The following TRPM6 variants were observed in gnomAD, a reference collection of about 807,000 sequenced individuals.
The protein encoded by TRPM6 is transient receptor potential cation channel subfamily M member 6.
In TRPM6, 111 loss-of-function variants were observed where a neutral mutation model predicts 247.6. That is an observed-to-expected ratio of 0.45 (90% confidence interval 0.38 to 0.52). The LOEUF is 0.52. Ranked by LOEUF, TRPM6 falls within the 20% of genes least tolerant of loss-of-function variation. TRPM6 has a pLI of 0.00. For synonymous variants in TRPM6, 892 were observed against 853.8 expected, an observed-to-expected ratio of 1.04 and a Z score of -0.78; for missense variants, 2,126 against 2,421.5, an observed-to-expected ratio of 0.88 and a Z score of 2.56.
chr9:74,812,646 C>T (rs917066657), intron 11 of TRPM6, among the ~76,000 whole-genome samples: 2 of 151,730 alleles, frequency 1.3e-5, no homozygotes, highest in Non-Finnish European at 2.9e-5. Flanking sequence ...TCCTAGCACC[C>T]TTGGAGGCTG....
intron 14 of TRPM6, among the ~76,000 whole-genome samples, chr9:74,806,670 A>G (rs1828537372): frequency 6.6e-6 from 1 of 152,230 alleles, no homozygotes; most frequent in South Asian, 2.1e-4. Flanking sequence ...TGACAAATTT[A>G]TAAAAGGGTC....
intron 6 of TRPM6, 67 bp from the exon 7 acceptor site, chr9:74,828,016 A>G: frequency 1.3e-6 from 2 of 1,520,678 alleles, no homozygotes; most frequent in South Asian, 2.3e-5. Flanking sequence ...CCTGCTCCAA[A>G]GGCCTATCTT....
intron 37 of TRPM6, among the ~76,000 whole-genome samples, chr9:74,729,715 A>G (rs926966225): frequency 7.2e-5 from 11 of 152,256 alleles, no homozygotes; most frequent in Non-Finnish European, 8.8e-5. Context: ...CTCAGCATTT[A>G]GACCAGGATT....
At chr9:74,728,803 A>C (rs1429942271) in intron 37 of TRPM6, among the ~76,000 whole-genome samples, 1 of 152,194 alleles carries the variant, frequency 6.6e-6, no homozygotes, top group Non-Finnish European at 1.5e-5. Flanking sequence ...ACTTTTCTGA[A>C]AATAACCGTC....
chr9:74,811,762 T>C (rs1343408275), intron 12 of TRPM6, among the ~76,000 whole-genome samples: 1 of 152,194 alleles, frequency 6.6e-6, no homozygotes, highest in Non-Finnish European at 1.5e-5. Context: ...GATCAATAAA[T>C]AATTACCAGG....
chr9:74,776,805 T>C (rs1827241273), intron 23 of TRPM6, among the ~76,000 whole-genome samples: 2 of 152,218 alleles, frequency 1.3e-5, no homozygotes, highest in Non-Finnish European at 2.9e-5. Flanking sequence ...CAAAATAAGA[T>C]GTCCATCTTA....
In TRPM6 at chr9:74,762,949, C is replaced by A. The variant is rs1826704176; in HGVS notation, c.3722G>T (p.Arg1241Ile). Residue 1241 changes from arginine to isoleucine, a missense_variant, in exon 26 of 39, where the codon AGA becomes ATA. Around this residue, in one of 3 missense-constraint regions of TRPM6, gnomAD observed 717 missense variants for 715.9 expected, o/e 1.00. Coordinates refer to ENST00000360774, the MANE Select transcript of TRPM6 (RefSeq NM_017662.5). ...LQEDEALLAK[R>I]KHSTCKKLPH... ...AAGTTTTTTGCAAGTAGAATGCTTT[C>A]TCTTGGCCAGGAGAGCCTCATCCTC... is the stretch of plus-strand genomic sequence containing the variant. 2 of 1,607,572 alleles carry A rather than the reference C, an allele frequency of 1.2e-6. No individual in the cohort carries two copies. The highest frequency in any genetic ancestry group is 4.5e-5 in the East Asian group (2 of 44,748).
intron 7 of TRPM6, chr9:74,827,549 G>C: frequency 6.1e-6 from 4 of 651,184 alleles, no homozygotes; most frequent in Non-Finnish European, 1.1e-5. Context: ...TCTTTGGGGG[G>C]ATCATGGAAG....
At chr9:74,876,126 C>A (rs1008192823) in intron 1 of TRPM6, among the ~76,000 whole-genome samples, 7 of 152,126 alleles carry the variant, frequency 4.6e-5, no homozygotes, top group African/African-American at 1.7e-4. Flanking sequence ...TCTTGTCGCC[C>A]AGGCTGGAAT....
chr9:74,788,090 A>G (rs1302752518), intron 20 of TRPM6, among the ~76,000 whole-genome samples: 1 of 151,944 alleles, frequency 6.6e-6, no homozygotes. Flanking sequence ...TTCTTGGACT[A>G]TTTGCCTCAG....
intron 1 of TRPM6, among the ~76,000 whole-genome samples, chr9:74,860,342 T>TTA (rs1488255418): frequency 1.3e-5 from 2 of 151,958 alleles, no homozygotes; most frequent in Non-Finnish European, 2.9e-5. Context: ...ATTTATTTAT[T>TTA]TTTATTTTTT....
At chr9:74,784,352 G>A (rs1188012265) in intron 21 of TRPM6, among the ~76,000 whole-genome samples, 1 of 152,032 alleles carries the variant, frequency 6.6e-6, no homozygotes, top group African/African-American at 2.4e-5. Flanking sequence ...GAGCTAGGTG[G>A]CCCAATTTTG....
intron 38 of TRPM6, among the ~76,000 whole-genome samples, chr9:74,726,312 C>A (rs2118665249): frequency 6.6e-6 from 1 of 152,238 alleles, no homozygotes; most frequent in Admixed American, 6.5e-5. Flanking sequence ...GAGTTCGAGA[C>A]CAGGCTGGCC....
intron 33 of TRPM6, 53 bp from the exon 34 acceptor site, chr9:74,740,062 A>G: frequency 6.3e-7 from 1 of 1,585,014 alleles, no homozygotes; most frequent in Non-Finnish European, 8.6e-7. Context: ...TGTCTGTGAC[A>G]TGAATAGTAT....
chr9:74,827,931 T>G lies in TRPM6; in HGVS notation c.688A>C (p.Thr230Pro), dbSNP rs1334324536. Residue 230 changes from threonine to proline, a missense_variant, in exon 7 of 39, where the codon ACT (threonine) becomes CCT (proline). Transcript: ENST00000360774. ...IGKDVVCLYQ[T>P]LDNPLSKLTT... The stretch of plus-strand genomic sequence containing the variant: ...AGCTTGCTGAGGGGGTTATCCAGAG[T>G]CTGGTACAGGCACACCACCTGAGAG... 6.2e-7 allele frequency: 1 copy of G among 1,613,828 alleles called. No homozygotes were observed. The highest frequency in any genetic ancestry group is 1.1e-5 in the South Asian group (1 of 91,066).
chr9:74,829,283 C>A (rs1319510505), intron 6 of TRPM6, among the ~76,000 whole-genome samples: 1 of 152,068 alleles, frequency 6.6e-6, no homozygotes, highest in African/African-American at 2.4e-5. Context: ...CACAGTGAGA[C>A]CCCATCTCAA....
Position 74,742,626 on chromosome 9 carries a change from G to A in TRPM6, c.5135C>T (p.Ala1712Val), listed in dbSNP as rs1825901279. The A allele has an allele frequency of 6.2e-7, 1 of 1,613,486 alleles. No homozygotes were observed. Among genetic ancestry groups the A allele is most frequent in the Non-Finnish European group, 8.5e-7 (1 of 1,179,806 alleles). Residue 1712 changes from alanine (A) to valine (V), a missense_variant and splice_region_variant, in exon 33 of 39, where the codon GCC becomes GTC. Ala to Val is a moderately conservative substitution (Grantham distance 64, BLOSUM62 0). Transcript: ENST00000360774. Reference protein sequence around the residue: ...SPQEPHHHYSAIERNNLMRLS... With the variant: ...SPQEPHHHYSVIERNNLMRLS... The stretch of plus-strand genomic sequence containing the variant: ...CCTCATTAAATTATTCCTTTCAATG[G>A]CTGCAAACAAAAACAGATTTTCTAT...
At chr9:74,840,573 G>A (rs187092010) in intron 4 of TRPM6, among the ~76,000 whole-genome samples, 8 of 152,288 alleles carry the variant, frequency 5.3e-5, no homozygotes, top group Admixed American at 5.2e-4. Flanking sequence ...CCAGCACTTC[G>A]GGAGGCCGAG....
At chr9:74,760,042 G>C (rs1232082022) in intron 27 of TRPM6, among the ~76,000 whole-genome samples, 1 of 152,140 alleles carries the variant, frequency 6.6e-6, no homozygotes, top group Non-Finnish European at 1.5e-5. Flanking sequence ...GGTCCCATAA[G>C]ATTATAATGC....
Sources: allele counts gnomAD v4.1 joint callset (sites outside exome capture counted in the v4.1 genomes callset), GRCh38; gene constraint gnomAD v4.1.1; regional missense constraint gnomAD v4.1.1; transcripts MANE v1.5; gene names NCBI Gene and HGNC (gene_info 2026-07-23, HGNC 2026-07-21).